PCDH15: variants seen among roughly 807,000 people sequenced by gnomAD.
The protein encoded by PCDH15 is protocadherin related 15.
PCDH15 carries 129 observed loss-of-function variants against 178.5 expected under a neutral mutation model. That is an observed-to-expected ratio of 0.72 (90% CI 0.63 to 0.84). The LOEUF (loss-of-function observed/expected upper bound fraction) is 0.84, where lower values mean the gene tolerates loss of function less well. Among genes scored for constraint, PCDH15 ranks in the 40% least tolerant of loss-of-function variants. PCDH15 has a pLI of 0.00. For synonymous variants in PCDH15, 800 were observed against 732.0 expected, an observed-to-expected ratio of 1.09 and a Z score of -1.50; for missense variants, 2,230 against 2,099.9, an observed-to-expected ratio of 1.06 and a Z score of -1.21.
At chr10:54,210,383 C>T (rs1212203833) in intron 10 of PCDH15, among the ~76,000 whole-genome samples, 2 of 151,932 alleles carry the variant, frequency 1.3e-5, no homozygotes, top group African/African-American at 4.8e-5. Flanking sequence ...CTTCTATGTG[C>T]TGTATATAGG....
At chr10:55,252,711 C>G (rs1225666709) in intron 1 of PCDH15, among the ~76,000 whole-genome samples, 3 of 151,874 alleles carry the variant, frequency 2.0e-5, no homozygotes. Context: ...AGCAAGTTAG[C>G]TTTAAAATTT....
chr10:55,529,622 G>A (rs576508674), intron 2 of PCDH15, among the ~76,000 whole-genome samples: 1 of 150,542 alleles, frequency 6.6e-6, no homozygotes, highest in African/African-American at 2.4e-5. Context: ...ACATATACAG[G>A]TATTAGGGTG....
Position 53,822,149 on chromosome 10 carries a change from C to CTTAA in PCDH15, c.4368-1923_4368-1920dup, listed in dbSNP as rs770082088. 5.0e-5 allele frequency: 81 copies of CTTAA among 1,614,000 alleles called. No individual in the cohort carries two copies. The highest frequency in any genetic ancestry group is 4.9e-4 in the Middle Eastern group (3 of 6,062). ...TTGTTGATAGCTGTGTCATAGAGGACTTAATTTTCTCGGCAGGCATCAAGT... is the reference window on the plus strand; with the variant it reads ...TTGTTGATAGCTGTGTCATAGAGGACTTAATTAATTTTCTCGGCAGGCATCAAGT... On this transcript the variant is annotated intron_variant, in intron 32 of 37. Transcript: ENST00000644397.
intron 1 of PCDH15, among the ~76,000 whole-genome samples, chr10:55,309,441 C>T (rs1305575344): frequency 4.6e-5 from 7 of 151,712 alleles, no homozygotes; most frequent in Admixed American, 4.6e-4. Flanking sequence ...CACTTGAACC[C>T]AGTAGGTCGA....
intron 2 of PCDH15, among the ~76,000 whole-genome samples, chr10:55,044,966 T>C (rs988168474): frequency 3.9e-5 from 6 of 152,096 alleles, no homozygotes; most frequent in African/African-American, 1.4e-4. Flanking sequence ...CAAAATATTA[T>C]ATGTTTCATC....
At chr10:53,963,330 A>G (rs889387968) in intron 21 of PCDH15, among the ~76,000 whole-genome samples, 2 of 151,996 alleles carry the variant, frequency 1.3e-5, no homozygotes, top group Non-Finnish European at 2.9e-5. Flanking sequence ...TACATTCTTT[A>G]TTTAACCTTT....
At chr10:54,082,888 G>A (rs964154919) in intron 16 of PCDH15, among the ~76,000 whole-genome samples, 3 of 151,472 alleles carry the variant, frequency 2.0e-5, no homozygotes, top group Admixed American at 6.6e-5. Context: ...AATATATAAA[G>A]GATTACATAA....
intron 2 of PCDH15, among the ~76,000 whole-genome samples, chr10:55,510,254 T>G (rs994548995): frequency 6.6e-6 from 1 of 151,972 alleles, no homozygotes. Flanking sequence ...GACAAATTTT[T>G]TCTTCATACG....
At chr10:54,517,336 C>T (rs536148285) in intron 3 of PCDH15, among the ~76,000 whole-genome samples, 1 of 151,522 alleles carries the variant, frequency 6.6e-6, no homozygotes, top group African/African-American at 2.4e-5. Context: ...CAGAGACACA[C>T]ATAGGCTCAA....
At chr10:54,067,866 T>C (rs2094166777) in intron 17 of PCDH15, among the ~76,000 whole-genome samples, 1 of 152,206 alleles carries the variant, frequency 6.6e-6, no homozygotes, top group Non-Finnish European at 1.5e-5. Flanking sequence ...AAGTGATTTG[T>C]AGTGAGAGGC....
At chr10:54,509,560 CTG>C (rs998537171) in intron 3 of PCDH15, among the ~76,000 whole-genome samples, 3 of 152,162 alleles carry the variant, frequency 2.0e-5, no homozygotes, top group African/African-American at 4.8e-5. Context: ...AGCAAGAGCA[CTG>C]TGTCTCTGCC....
chr10:54,456,394 T>C (rs2076823564), intron 3 of PCDH15, among the ~76,000 whole-genome samples: 1 of 152,184 alleles, frequency 6.6e-6, no homozygotes, highest in Non-Finnish European at 1.5e-5. Flanking sequence ...ACTGTCCTAT[T>C]GGATTCTGGG....
At chr10:54,881,498 T>C (rs1442994110) in intron 3 of PCDH15, among the ~76,000 whole-genome samples, 1 of 152,124 alleles carries the variant, frequency 6.6e-6, no homozygotes, top group Non-Finnish European at 1.5e-5. Context: ...AGAAATAGCA[T>C]GAAGTTCCTC....
chr10:53,862,488 T>C (rs1001684025), intron 27 of PCDH15, among the ~76,000 whole-genome samples: 1 of 152,158 alleles, frequency 6.6e-6, no homozygotes, highest in Non-Finnish European at 1.5e-5. Flanking sequence ...AATAAATAAA[T>C]CACATTATTT....
intron 1 of PCDH15, among the ~76,000 whole-genome samples, chr10:54,669,391 A>G (rs538753147): frequency 1.5e-4 from 22 of 151,182 alleles, no homozygotes; most frequent in African/African-American, 5.3e-4. Flanking sequence ...ATATATTGAT[A>G]TTTATTGACA....
chr10:53,962,027 A>C (rs1035217101), intron 21 of PCDH15, 135 bp from the exon 22 acceptor site: 2 of 726,466 alleles, frequency 2.8e-6, no homozygotes, highest in South Asian at 1.8e-5. Context: ...ATTCTTTCAG[A>C]GCTGAAATGT....
At chr10:55,173,307 T>TTGTGTGTGTG (rs778106530) in intron 1 of PCDH15, among the ~76,000 whole-genome samples, 24 of 64,158 alleles carry the variant, frequency 3.7e-4, no homozygotes, top group African/African-American at 1.0e-3. Context: ...ATTAGAAAGA[T>TTGTGTGTGTG]TATGTGTGTG....
chr10:54,675,238 T>C (rs998537488), intron 1 of PCDH15, among the ~76,000 whole-genome samples: 2 of 152,048 alleles, frequency 1.3e-5, no homozygotes, highest in African/African-American at 4.8e-5. Flanking sequence ...TTAAATTTTA[T>C]GGGCATTCTA....
At chr10:55,602,160 G>C (rs1392678918) in intron 2 of PCDH15, among the ~76,000 whole-genome samples, 1 of 152,100 alleles carries the variant, frequency 6.6e-6, no homozygotes, top group Non-Finnish European at 1.5e-5. Flanking sequence ...ACTCCCACCC[G>C]AATACTGCGC....
Sources: allele counts gnomAD v4.1 joint callset (sites outside exome capture counted in the v4.1 genomes callset), GRCh38; gene constraint gnomAD v4.1.1; transcripts MANE v1.5; gene names NCBI Gene and HGNC (gene_info 2026-07-23, HGNC 2026-07-21).